Variants in SNX13 observed in about 807,000 individuals in gnomAD.
SNX13 encodes the protein sorting nexin-13.
SNX13 carries 45 observed loss-of-function variants against 133.6 expected under a neutral mutation model. The ratio of observed to expected loss-of-function variants is 0.34; its 90% CI spans 0.27 to 0.43. SNX13 has a LOEUF of 0.43. SNX13 is among the 20% of genes least tolerant of loss of function. SNX13 has a pLI of 1.00. For synonymous variants in SNX13, 414 were observed against 373.9 expected, an observed-to-expected ratio of 1.11 and a Z score of -1.24; for missense variants, 1,032 against 1,145.1, an observed-to-expected ratio of 0.90 and a Z score of 1.43.
At chr7:17,795,452 T>G (rs1783941088) in intron 25 of SNX13, 1 of 151,682 alleles carries the variant, frequency 6.6e-6, no homozygotes, top group African/African-American at 2.4e-5. Context: ...ATATTTACCC[T>G]CACTTCCTTC....
chr7:17,863,484 C>T (rs943688393), intron 9 of SNX13, among the ~76,000 whole-genome samples: 9 of 152,242 alleles, frequency 5.9e-5, no homozygotes, highest in East Asian at 1.9e-4. Context: ...ACAGCTCAGC[C>T]GCAGTAAAAC....
chr7:17,913,754 C>CAAAAAAAAAAA (rs1158895502), intron 1 of SNX13, among the ~76,000 whole-genome samples: 1 of 87,274 alleles, frequency 1.1e-5, no homozygotes, highest in African/African-American at 4.0e-5. Context: ...AGCAAATTAA[C>CAAAAAAAAAAA]AAAAACAAAA....
intron 11 of SNX13, among the ~76,000 whole-genome samples, chr7:17,846,449 A>T (rs1227659742): frequency 1.3e-5 from 2 of 152,164 alleles, no homozygotes; most frequent in African/African-American, 4.8e-5. Context: ...GTATGACTAC[A>T]TGTTTTCAAA....
At chr7:17,833,891 G>A (rs925143973) in intron 15 of SNX13, among the ~76,000 whole-genome samples, 161 bp downstream of exon 15, 10 of 151,568 alleles carry the variant, frequency 6.6e-5, no homozygotes, top group African/African-American at 2.4e-4. Context: ...TTTTAATTTA[G>A]TATAGTCACT....
rs1431897247 is a variant in SNX13, at chr7:17,940,349, C to T, written c.-54G>A. Reference sequence around the variant, plus strand: ...CCTAGCCTCGCCTCATGGCAACAGCCGTAGCAGCAGCGAAAACTGCTCGGG... The same window carrying T: ...CCTAGCCTCGCCTCATGGCAACAGCTGTAGCAGCAGCGAAAACTGCTCGGG... On this transcript the variant is annotated 5_prime_UTR_variant, in exon 1 of 26. Coordinates refer to ENST00000428135, the MANE Select transcript of SNX13 (RefSeq NM_015132.5). 10 of 1,555,248 alleles carry T rather than the reference C, an allele frequency of 6.4e-6. No individual in the cohort carries two copies. In the South Asian group the frequency reaches 9.5e-5, roughly 15 times the overall value.
At chr7:17,813,419 G>T (rs1272563161) in intron 20 of SNX13, among the ~76,000 whole-genome samples, 2 of 152,016 alleles carry the variant, frequency 1.3e-5, no homozygotes, top group African/African-American at 4.8e-5. Context: ...CCATTGTAAG[G>T]TCCACACCCT....
chr7:17,923,780 G>A (rs10274868), intron 1 of SNX13, among the ~76,000 whole-genome samples: 5,463 of 152,182 alleles, frequency 0.036, 312 homozygotes, highest in African/African-American at 0.12. Context: ...CAGTGGAAGA[G>A]GACACTGCAG....
At position 17,834,791 on chromosome 7, in the gene SNX13, G is replaced by A. The variant is rs756917315; in HGVS notation, c.1434C>T (p.Thr478=). The A allele has an allele frequency of 6.2e-7, 1 of 1,608,320 alleles. No homozygotes were observed. The highest frequency in any genetic ancestry group is 8.5e-7 in the Non-Finnish European group (1 of 1,176,038). ...TTTGAATGTCATCAAAGATTTCAGG[G>A]GTTGGATCTTCATGATTCAAAGTAT... ...LADTLNHEDP[T]PEIFDDIQRK... is the part of the protein sequence containing the mutation. Residue 478 remains threonine, a synonymous_variant, in exon 14 of 26, where the codon ACC becomes ACT. Coordinates refer to ENST00000428135, the MANE Select transcript of SNX13 (RefSeq NM_015132.5).
chr7:17,826,005 A>T lies in SNX13; in HGVS notation c.1705+17T>A. ...TACATAGTTTTAATGCAATAATTAT[A>T]CTTCAAACTCTCTTACCTGTGTCTG... On this transcript the variant is annotated intron_variant, in intron 17 of 25. Coordinates refer to ENST00000428135, the MANE Select transcript of SNX13 (RefSeq NM_015132.5). 5.5e-6 allele frequency: 8 copies of T among 1,461,148 alleles called. No homozygotes were observed. Among genetic ancestry groups the T allele is most frequent in the Non-Finnish European group, 7.4e-6 (8 of 1,087,626 alleles). The allele number at this position is 1,461,148 out of a possible 1,614,324, so 90.5% of individuals were successfully genotyped here. A position where few individuals can be genotyped will look rare whatever the true frequency, so the allele number is the denominator to read the frequency against.
At chr7:17,860,873 G>C (rs1159393066) in intron 9 of SNX13, among the ~76,000 whole-genome samples, 1 of 152,164 alleles carries the variant, frequency 6.6e-6, no homozygotes, top group African/African-American at 2.4e-5. Flanking sequence ...TTTGTAATAG[G>C]TTTTGAAATC....
In SNX13 at chr7:17,940,466, C is replaced by A. The variant is rs1257205058; in HGVS notation, c.-171G>T. 2.7e-6 allele frequency: 2 copies of A among 751,666 alleles called. No individual in the cohort carries two copies. The highest frequency in any genetic ancestry group is 3.4e-5 in the African/African-American group (2 of 58,074). The allele number at this position is 751,666 out of a possible 1,614,324, so 46.6% of individuals were successfully genotyped here. ...GGCCTCCCCTCGGCCCGGTCGCTCGCGACGGACGCGCCGCCATCTTGGAAG... is the reference window on the plus strand; with the variant it reads ...GGCCTCCCCTCGGCCCGGTCGCTCGAGACGGACGCGCCGCCATCTTGGAAG... On this transcript the variant is annotated 5_prime_UTR_variant, in exon 1 of 26. Transcript: ENST00000428135.
At chr7:17,934,174 C>T (rs747640162) in intron 1 of SNX13, among the ~76,000 whole-genome samples, 1 of 152,162 alleles carries the variant, frequency 6.6e-6, no homozygotes, top group Non-Finnish European at 1.5e-5. Flanking sequence ...CTTGCTTCAA[C>T]GTTTCCTCTC....
intron 18 of SNX13, among the ~76,000 whole-genome samples, chr7:17,818,568 T>C (rs1175363863): frequency 2.0e-5 from 3 of 152,246 alleles, no homozygotes; most frequent in Admixed American, 6.5e-5. Flanking sequence ...AACAAAACAA[T>C]TGCCCATTCC....
intron 17 of SNX13, among the ~76,000 whole-genome samples, chr7:17,822,945 G>A (rs1787468565): frequency 6.6e-6 from 1 of 152,136 alleles, no homozygotes; most frequent in African/African-American, 2.4e-5. Context: ...TTCCAGTCAT[G>A]ATCTTGACAT....
intron 2 of SNX13, among the ~76,000 whole-genome samples, chr7:17,895,295 C>T (rs1797083634): frequency 6.6e-6 from 1 of 151,838 alleles, no homozygotes; most frequent in African/African-American, 2.4e-5. Context: ...ATTATATAAC[C>T]CAACAAATAC....
intron 13 of SNX13, among the ~76,000 whole-genome samples, chr7:17,836,707 T>C (rs1415396713): frequency 6.6e-6 from 1 of 152,082 alleles, no homozygotes; most frequent in Non-Finnish European, 1.5e-5. Context: ...AATACAACAA[T>C]ATGTAATTTA....
At chr7:17,904,186 G>C (rs1157994147) in intron 1 of SNX13, among the ~76,000 whole-genome samples, 1 of 152,178 alleles carries the variant, frequency 6.6e-6, no homozygotes, top group Non-Finnish European at 1.5e-5. Context: ...GATAGGAAAG[G>C]CAGCATAATA....
At position 17,791,871 on chromosome 7, in the gene SNX13, A is replaced by C. The variant is rs1251788744; in HGVS notation, c.*2174T>G. 1 of 152,104 alleles carries C rather than the reference A, an allele frequency of 6.6e-6. No individual in the cohort carries two copies. Among genetic ancestry groups the C allele is most frequent in the East Asian group, 1.9e-4 (1 of 5,196 alleles). The allele number at this position is 152,104 out of a possible 1,614,324, so 9.4% of individuals were successfully genotyped here. A position where few individuals can be genotyped will look rare whatever the true frequency, so the allele number is the denominator to read the frequency against. On this transcript the variant is annotated 3_prime_UTR_variant, in exon 26 of 26. Transcript: ENST00000428135. ...ATGTGCATAGAGAAGGTGCACCACC[A>C]TTTACAAAGACTATCATTTGACATT...
chr7:17,802,144 G>A (rs1784712916), intron 21 of SNX13, among the ~76,000 whole-genome samples: 1 of 151,968 alleles, frequency 6.6e-6, no homozygotes, highest in African/African-American at 2.4e-5. Flanking sequence ...AGTAGCCTAG[G>A]AGCAATAGGC....
Sources: gnomAD v4.1 joint callset for allele counts (sites outside exome capture counted in the v4.1 genomes callset) on GRCh38, gnomAD v4.1.1 for gene constraint, MANE v1.5 for transcripts, NCBI Gene and HGNC (gene_info 2026-07-23, HGNC 2026-07-21) for gene names.